Variants in ANGPTL5 observed in about 807,000 individuals in gnomAD.
ANGPTL5 encodes angiopoietin-related protein 5.
ANGPTL5 carries 34 observed loss-of-function variants against 39.4 expected under a neutral mutation model. The ratio of observed to expected loss-of-function variants is 0.86; its 90% confidence interval spans 0.66 to 1.15. ANGPTL5 has a LOEUF of 1.15. ANGPTL5 is among the 50% of genes most tolerant of loss of function. The pLI, the probability that ANGPTL5 is intolerant of heterozygous loss-of-function variation, is 0.00. For missense variants in ANGPTL5, 467 were observed against 457.5 expected, an observed-to-expected ratio of 1.02 and a Z score of -0.19; for synonymous variants, 146 against 152.1, an observed-to-expected ratio of 0.96 and a Z score of 0.29.
At chr11:101,907,324 A>G (rs1940015596) in intron 2 of ANGPTL5, 77 bp from the exon 3 acceptor site, 2 of 948,474 alleles carry the variant, frequency 2.1e-6, no homozygotes, top group South Asian at 2.0e-5. Context: ...AAAAAAGACT[A>G]TAGAGAAAAG....
In ANGPTL5 at chr11:101,915,360, G is replaced by C. The variant is rs146972831; in HGVS notation, c.-93+659C>G. The C allele has an allele frequency of 3.7e-6, 6 of 1,613,826 alleles. No individual in the cohort carries two copies. In the African/African-American group the frequency reaches 4.0e-5, roughly 11 times the overall value. ...TGAATCATCGGACAACCTCGACAGA[G>C]CCCCCCTCGGCCCTCGGGAGAGCGG... On this transcript the variant is annotated intron_variant, in intron 1 of 8. Transcript: ENST00000334289.
chr11:101,902,514 G>T, intron 6 of ANGPTL5, 107 bp downstream of exon 6: 3 of 968,156 alleles, frequency 3.1e-6, no homozygotes, highest in Non-Finnish European at 4.6e-6. Flanking sequence ...AAAATTTTTT[G>T]AGGAAAAATT....
At chr11:101,908,702 A>T (rs1237492996) in intron 1 of ANGPTL5, among the ~76,000 whole-genome samples, 1 of 149,648 alleles carries the variant, frequency 6.7e-6, no homozygotes, top group Non-Finnish European at 1.5e-5. Flanking sequence ...AATCGCTTGA[A>T]CCTGGGAGGC....
intron 3 of ANGPTL5, among the ~76,000 whole-genome samples, chr11:101,906,448 A>G (rs1486890785): frequency 1.3e-5 from 2 of 152,178 alleles, no homozygotes; most frequent in Non-Finnish European, 2.9e-5. Context: ...AGTTGCGATA[A>G]CAGTACAAAT....
Position 101,905,816 on chromosome 11 carries a change from T to C in ANGPTL5, c.273A>G (p.Thr91=). ...RNLQNSIVSY[T]RSTKKLLRNM... is the part of the protein sequence containing the mutation. ...TCCTTAGTAGTTTTTTGGTACTTCT[T>C]GTGTAGGAAACAATAGAATTTTGCA... Residue 91 remains threonine, a synonymous_variant, in exon 4 of 9, where the codon ACA becomes ACG. Transcript: ENST00000334289. The C allele has an allele frequency of 6.2e-7, 1 of 1,611,694 alleles. No homozygotes were observed. The highest frequency in any genetic ancestry group is 8.5e-7 in the Non-Finnish European group (1 of 1,178,744).
chr11:101,904,227 A>C (rs1671030799), intron 5 of ANGPTL5, among the ~76,000 whole-genome samples: 1 of 152,182 alleles, frequency 6.6e-6, no homozygotes, highest in Non-Finnish European at 1.5e-5. Flanking sequence ...AGAAGGACAT[A>C]AAGATCATGT....
At chr11:101,908,640 C>T (rs1940039657) in intron 1 of ANGPTL5, among the ~76,000 whole-genome samples, 1 of 151,748 alleles carries the variant, frequency 6.6e-6, no homozygotes, top group Admixed American at 6.6e-5. Context: ...ATTAGCCGGG[C>T]GTTGTAGCAG....
Position 101,907,158 on chromosome 11 carries a change from C to A in ANGPTL5, c.186G>T (p.Glu62Asp). The change falls in exon 3 of 9, where the codon GAG (glutamate) becomes GAT (aspartate). Residue 62 changes from glutamate to aspartate, a missense_variant. Transcript: ENST00000334289. ...TTTTAGTTTTAACATCACATGATTC[C>A]TCACAGTCTTCCTTACAAACAGTAT... ...SNDTVCKEDC[E>D]ESCDVKTKIT... is the part of the protein sequence containing the mutation. 1 of 1,594,038 alleles carries A rather than the reference C, an allele frequency of 6.3e-7. No homozygotes were observed.
intron 7 of ANGPTL5, among the ~76,000 whole-genome samples, chr11:101,897,073 T>C (rs1939811050): frequency 6.6e-6 from 1 of 152,250 alleles, no homozygotes; most frequent in South Asian, 2.1e-4. Context: ...TGGTATCTCC[T>C]TGTGGTTTTG....
intron 7 of ANGPTL5, among the ~76,000 whole-genome samples, chr11:101,895,339 A>G (rs934897325): frequency 2.6e-5 from 4 of 152,202 alleles, no homozygotes; most frequent in African/African-American, 7.2e-5. Flanking sequence ...GAAGATAATA[A>G]TGATCTCCCC....
intron 6 of ANGPTL5, among the ~76,000 whole-genome samples, chr11:101,901,751 A>T (rs1044508682): frequency 6.6e-6 from 1 of 152,090 alleles, no homozygotes; most frequent in Non-Finnish European, 1.5e-5. Context: ...CTAATTTCCA[A>T]TTTTTTGACA....
intron 7 of ANGPTL5, among the ~76,000 whole-genome samples, chr11:101,898,261 A>T (rs776528299): frequency 6.6e-6 from 1 of 152,064 alleles, no homozygotes; most frequent in Non-Finnish European, 1.5e-5. Flanking sequence ...GGCCATTTTC[A>T]TGATACTGAT....
chr11:101,911,441 C>T (rs117135986), intron 1 of ANGPTL5, among the ~76,000 whole-genome samples: 101 of 152,094 alleles, frequency 6.6e-4, no homozygotes, highest in African/African-American at 1.2e-3. Flanking sequence ...CCAAATCTTA[C>T]GTCAAACTGT....
chr11:101,902,676 T>G lies in ANGPTL5; in HGVS notation c.485A>C (p.Lys162Thr), dbSNP rs756567463. 1.2e-6 allele frequency: 2 copies of G among 1,611,928 alleles called. No individual in the cohort carries two copies. The highest frequency in any genetic ancestry group is 1.7e-6 in the Non-Finnish European group (2 of 1,178,518). ...DIKDTIGSVTKTPSGLYIIHP... is the reference protein window; with the variant it reads ...DIKDTIGSVTTTPSGLYIIHP... ...AATTATGTATAAACCACTCGGTGTT[T>G]TGGTGACAGAGCCAATGGTATCCTT... is the stretch of plus-strand genomic sequence containing the variant. Residue 162 changes from lysine to threonine, a missense_variant, in exon 6 of 9, where the codon AAA becomes ACA. By Grantham distance (78) the Lys-to-Thr change is moderately conservative. Transcript: ENST00000334289.
intron 7 of ANGPTL5, among the ~76,000 whole-genome samples, chr11:101,899,951 TC>T (rs1340146989): frequency 6.6e-6 from 1 of 152,236 alleles, no homozygotes; most frequent in East Asian, 1.9e-4. Context: ...GTTATAATTT[TC>T]AAATTTTGAG....
At chr11:101,903,162 A>G (rs1474969059) in intron 5 of ANGPTL5, among the ~76,000 whole-genome samples, 1 of 152,164 alleles carries the variant, frequency 6.6e-6, no homozygotes, top group Non-Finnish European at 1.5e-5. Context: ...TCACTATTCT[A>G]TTCCCAACTT....
At chr11:101,910,691 C>A (rs1181610637) in intron 1 of ANGPTL5, among the ~76,000 whole-genome samples, 1 of 152,052 alleles carries the variant, frequency 6.6e-6, no homozygotes, top group Non-Finnish European at 1.5e-5. Flanking sequence ...ATCTGAGTCA[C>A]ATTTGACTTT....
chr11:101,915,206 C>T (rs926189454), intron 1 of ANGPTL5: 1 of 1,584,354 alleles, frequency 6.3e-7, no homozygotes, highest in Non-Finnish European at 8.6e-7. Context: ...AGGGAGGGGC[C>T]GAGCAGGAGG....
In ANGPTL5 at chr11:101,891,281, A is replaced by G. The variant is rs768460111; in HGVS notation, c.1165T>C (p.Ter389GlnextTer6). The change falls in exon 9 of 9, where the codon TAA becomes CAA. Residue 389 changes from the stop codon to glutamine, a stop_lost. Coordinates refer to ENST00000334289, the MANE Select transcript of ANGPTL5 (RefSeq NM_178127.5). ...IRRMYNPYFK[*>Q] ...TTGCATTACAATGTTAAATGAGATTATTTAAAATATGGATTGTACATTCTT... is the reference window on the plus strand; with the variant it reads ...TTGCATTACAATGTTAAATGAGATTGTTTAAAATATGGATTGTACATTCTT... 3.1e-6 allele frequency: 5 copies of G among 1,600,318 alleles called. No individual in the cohort carries two copies. The East Asian group carries it at 8.9e-5, about 29-fold the overall frequency.
Sources: gnomAD v4.1 joint callset for allele counts (sites outside exome capture counted in the v4.1 genomes callset) on GRCh38, gnomAD v4.1.1 for gene constraint, MANE v1.5 for transcripts, NCBI Gene and HGNC (gene_info 2026-07-23, HGNC 2026-07-21) for gene names.